The following PCDH17 variants were observed in gnomAD, a reference collection of about 807,000 sequenced individuals.
The protein encoded by PCDH17 is protocadherin-17.
Under a neutral mutation model 67.7 loss-of-function variants are expected in PCDH17, and 21 were observed. That is an observed-to-expected ratio of 0.31 (90% CI 0.22 to 0.45). The LOEUF is 0.45. Among genes scored for constraint, PCDH17 ranks in the 20% least tolerant of loss-of-function variants. The pLI, the probability that PCDH17 is intolerant of heterozygous loss-of-function variation, is 1.00. For missense variants in PCDH17, 1,471 were observed against 1,564.8 expected, an observed-to-expected ratio of 0.94 and a Z score of 1.01; for synonymous variants, 701 against 656.7, an observed-to-expected ratio of 1.07 and a Z score of -1.03.
chr13:57,696,249 AG>A (rs1295839206), intron 3 of PCDH17, among the ~76,000 whole-genome samples: 1 of 151,526 alleles, frequency 6.6e-6, no homozygotes, highest in African/African-American at 2.4e-5. Flanking sequence ...TGGCTAACTA[AG>A]GTACTGAGTA....
intron 3 of PCDH17, among the ~76,000 whole-genome samples, chr13:57,710,782 C>T (rs936567283): frequency 4.0e-5 from 6 of 151,882 alleles, no homozygotes; most frequent in African/African-American, 1.2e-4. Flanking sequence ...ATCTAAGAAT[C>T]GCAATTTTTC....
chr13:57,641,779 G>A (rs80170950), intron 1 of PCDH17, among the ~76,000 whole-genome samples: 1,809 of 149,988 alleles, frequency 0.012, 8 homozygotes, highest in African/African-American at 0.015. Context: ...TATGATTGGC[G>A]CGTTTGCATA....
At chr13:57,715,461 C>T (rs1341926542) in intron 3 of PCDH17, among the ~76,000 whole-genome samples, 1 of 151,790 alleles carries the variant, frequency 6.6e-6, no homozygotes. Context: ...ATCTTGATTT[C>T]AAGGGACTTT....
chr13:57,715,446 G>A (rs1355267233), intron 3 of PCDH17, among the ~76,000 whole-genome samples: 1 of 151,860 alleles, frequency 6.6e-6, no homozygotes, highest in African/African-American at 2.4e-5. Flanking sequence ...AGAATATACT[G>A]TAGTATCTTG....
chr13:57,728,046 A>G lies in PCDH17; in HGVS notation c.*2752A>G, dbSNP rs2138112005. 6.5e-6 allele frequency: 1 copy of G among 152,742 alleles called. No homozygotes were observed. Among genetic ancestry groups the G allele is most frequent in the South Asian group, 2.1e-4 (1 of 4,832 alleles). 9.5% of individuals were successfully genotyped at this position (152,742 alleles called of 1,614,324 possible). A position where few individuals can be genotyped will look rare whatever the true frequency, so the allele number is the denominator to read the frequency against. ...GGCTCTCTGTCACCAGTGATTTACTAGTGTTAGCTGTTTAACACATTATCT... is the reference window on the plus strand; with the variant it reads ...GGCTCTCTGTCACCAGTGATTTACTGGTGTTAGCTGTTTAACACATTATCT... On this transcript the variant is annotated 3_prime_UTR_variant, in exon 4 of 4. Coordinates refer to ENST00000377918, the MANE Select transcript of PCDH17 (RefSeq NM_001040429.3).
chr13:57,689,996 A>G (rs1955543698), intron 3 of PCDH17, among the ~76,000 whole-genome samples: 1 of 151,838 alleles, frequency 6.6e-6, no homozygotes, highest in East Asian at 1.9e-4. Context: ...GTTTTAAAGG[A>G]TGTGAATATT....
chr13:57,655,402 T>C (rs571195925), intron 1 of PCDH17, among the ~76,000 whole-genome samples: 1 of 151,944 alleles, frequency 6.6e-6, no homozygotes, highest in African/African-American at 2.4e-5. Context: ...TTTTAGTGTA[T>C]TGTGAAAAAA....
In PCDH17 at chr13:57,633,921, G is replaced by C. The variant is rs754390922; in HGVS notation, c.1375G>C (p.Ala459Pro). Reference protein sequence around the residue: ...SPPLNSTKSFAIKILDENDNP... With the variant: ...SPPLNSTKSFPIKILDENDNP... ...TCCCCTCAACTCCACCAAGTCGTTC[G>C]CGATCAAGATTCTAGACGAGAACGA... The change falls in exon 1 of 4, where the codon GCG becomes CCG. Residue 459 changes from alanine to proline, a missense_variant. Ala to Pro is a conservative substitution (Grantham distance 27, BLOSUM62 -1). This residue lies in a region of PCDH17 where 1,163 missense variants were observed against 1,230.0 expected (regional missense o/e 0.95). Transcript: ENST00000377918. The surrounding 1 kb of genome is among the most constrained non-coding windows in gnomAD (Gnocchi z 6.2). The C allele has an allele frequency of 6.2e-7, 1 of 1,613,374 alleles. No individual in the cohort carries two copies. Among genetic ancestry groups the C allele is most frequent in the East Asian group, 2.2e-5 (1 of 44,842 alleles).
Position 57,633,729 on chromosome 13 carries a change from G to A in PCDH17, c.1183G>A (p.Gly395Arg). 1 of 1,598,824 alleles carries A rather than the reference G, an allele frequency of 6.3e-7. No individual in the cohort carries two copies. Among genetic ancestry groups the A allele is most frequent in the Non-Finnish European group, 8.5e-7 (1 of 1,177,946 alleles). Residue 395 changes from glycine (G) to arginine (R), a missense_variant, in exon 1 of 4, where the codon GGA (glycine) becomes AGA (arginine). Transcript: ENST00000377918. This position sits in a 1 kb window ranked among gnomAD's most constrained non-coding sequence, Gnocchi z 6.2. Reference protein sequence around the residue: ...GQLQCRVLGGGGTGGGGGLGG... With the variant: ...GQLQCRVLGGRGTGGGGGLGG... ...GCTGCAGTGTCGGGTCCTAGGCGGA[G>A]GAGGGACGGGCGGCGGCGGGGGCCT...
At chr13:57,664,932 AAAGT>A (rs1477255814) in intron 1 of PCDH17, among the ~76,000 whole-genome samples, 1 of 152,204 alleles carries the variant, frequency 6.6e-6, no homozygotes, top group Non-Finnish European at 1.5e-5. Flanking sequence ...ATGGAAACAA[AAAGT>A]AAGATGCTTC....
At position 57,633,964 on chromosome 13, in the gene PCDH17, C is replaced by T. The variant is rs201009234; in HGVS notation, c.1418C>T (p.Thr473Ile). The stretch of plus-strand genomic sequence containing the variant: ...GAGAACGACAACCCGCCTCGGTTCA[C>T]CAAAGGGCTCTACGTGCTTCAGGTG... Reference protein sequence around the residue: ...LDENDNPPRFTKGLYVLQVHE... With the variant: ...LDENDNPPRFIKGLYVLQVHE... Residue 473 changes from threonine (T) to isoleucine (I), a missense_variant, in exon 1 of 4, where the codon ACC becomes ATC. Physicochemically the swap from Thr to Ile is moderately conservative, Grantham distance 89. This residue lies in a region of PCDH17 where 1,163 missense variants were observed against 1,230.0 expected (regional missense o/e 0.95). Transcript: ENST00000377918. This position sits in a 1 kb window ranked among gnomAD's most constrained non-coding sequence, Gnocchi z 6.2. The T allele has an allele frequency of 1.9e-5, 31 of 1,613,636 alleles. No homozygotes were observed. In the Admixed American group the frequency reaches 4.7e-4, roughly 24 times the overall value.
At chr13:57,698,834 G>A (rs1955636251) in intron 3 of PCDH17, among the ~76,000 whole-genome samples, 1 of 151,874 alleles carries the variant, frequency 6.6e-6, no homozygotes, top group African/African-American at 2.4e-5. Flanking sequence ...ATATCTTTAT[G>A]AGAAATTAAA....
chr13:57,717,566 G>A lies in PCDH17; in HGVS notation c.2798-7046G>A, dbSNP rs544632203. On this transcript the variant is annotated intron_variant, in intron 3 of 3. Coordinates refer to ENST00000377918, the MANE Select transcript of PCDH17 (RefSeq NM_001040429.3). The stretch of plus-strand genomic sequence containing the variant: ...TGCTCCAAACAGCTCCAAATACCCA[G>A]CTGTGATTGGATTCACTTGCTTATG... 1.4e-4 allele frequency among the ~76,000 whole-genome samples: 21 copies of A among 151,998 alleles called. 1 individual carries two copies. The South Asian group carries it at 4.4e-3, about 32-fold the overall frequency.
chr13:57,638,939 G>A (rs1954857983), intron 1 of PCDH17, among the ~76,000 whole-genome samples: 1 of 151,930 alleles, frequency 6.6e-6, no homozygotes, highest in African/African-American at 2.4e-5. Flanking sequence ...TCATACTCTA[G>A]CCTATTAATG....
At chr13:57,644,545 T>C (rs1954942671) in intron 1 of PCDH17, among the ~76,000 whole-genome samples, 1 of 151,392 alleles carries the variant, frequency 6.6e-6, no homozygotes, top group African/African-American at 2.4e-5. Flanking sequence ...AGAAACATAA[T>C]TACTATGAGT....
intron 1 of PCDH17, among the ~76,000 whole-genome samples, chr13:57,636,115 T>A (rs1954820095): frequency 6.6e-6 from 1 of 152,206 alleles, no homozygotes; most frequent in Admixed American, 6.5e-5. Context: ...GGACATAGAT[T>A]CTAACAGCAG....
chr13:57,704,521 A>G (rs375070781), intron 3 of PCDH17, among the ~76,000 whole-genome samples: 3 of 151,464 alleles, frequency 2.0e-5, no homozygotes, highest in East Asian at 3.9e-4. Context: ...TTTAATAGCT[A>G]TTCCCTATTG....
At chr13:57,693,476 G>C (rs975782862) in intron 3 of PCDH17, among the ~76,000 whole-genome samples, 49 of 149,340 alleles carry the variant, frequency 3.3e-4, no homozygotes, top group African/African-American at 1.2e-3. Flanking sequence ...ATTGCAGATA[G>C]GTTAGAGTGG....
chr13:57,636,284 TGACACCG>T (rs1397776854), intron 1 of PCDH17, among the ~76,000 whole-genome samples: 2 of 152,166 alleles, frequency 1.3e-5, no homozygotes, highest in Admixed American at 1.3e-4. Flanking sequence ...TAACTGAAAG[TGACACCG>T]CAAGAGGAAG....
Sources: gnomAD v4.1 joint callset for allele counts (sites outside exome capture counted in the v4.1 genomes callset) on GRCh38, gnomAD v4.1.1 for gene constraint, gnomAD v4.1.1 regional missense constraint, Gnocchi (gnomAD v3.1) non-coding constraint, MANE v1.5 for transcripts, NCBI Gene and HGNC (gene_info 2026-07-23, HGNC 2026-07-21) for gene names.